Variants in RNF225 observed in about 807,000 individuals in gnomAD.
RNF225 encodes the protein ring finger protein 225.
For synonymous variants in RNF225, 295 were observed against 260.4 expected (o/e 1.13, Z -1.28); for missense variants, 510 against 509.8 (o/e 1.00, Z 0.00).
In RNF225 at chr19:58,396,491, C is replaced by T. The variant is rs781059817; in HGVS notation, c.402C>T (p.Pro134=). Residue 134 remains proline (P), a synonymous_variant, in exon 1 of 1, where the codon CCC becomes CCT. Transcript: ENST00000601382. Reference sequence around the variant, plus strand: ...TGCCCACGCAGTCCGGTCTCCTGCCCCGCGACGCGCGCGCACCGCCCTCTC... The same window carrying T: ...TGCCCACGCAGTCCGGTCTCCTGCCTCGCGACGCGCGCGCACCGCCCTCTC... ...PALPTQSGLL[P]RDARAPPSRQ... is the part of the protein sequence containing the mutation. 4 of 1,328,908 alleles carry T rather than the reference C, an allele frequency of 3.0e-6. No individual in the cohort carries two copies. In the South Asian group the frequency reaches 7.9e-5, roughly 26 times the overall value. The allele number at this position is 1,328,908 out of a possible 1,614,324, so 82.3% of individuals were successfully genotyped here.
chr19:58,396,853 G>A lies in RNF225; in HGVS notation c.764G>A (p.Gly255Glu). ...FSWFPPRPPPGSPWAPAWTPR... is the reference protein window; with the variant it reads ...FSWFPPRPPPESPWAPAWTPR... ...TGGTTTCCGCCGAGGCCCCCGCCGGGGTCGCCCTGGGCCCCCGCCTGGACG... is the reference window on the plus strand; with the variant it reads ...TGGTTTCCGCCGAGGCCCCCGCCGGAGTCGCCCTGGGCCCCCGCCTGGACG... Residue 255 changes from glycine (G) to glutamate (E), a missense_variant, in exon 1 of 1, where the codon GGG becomes GAG. Transcript: ENST00000601382. 5.9e-6 allele frequency: 9 copies of A among 1,520,400 alleles called. No individual in the cohort carries two copies. Among genetic ancestry groups the A allele is most frequent in the Non-Finnish European group, 7.9e-6 (9 of 1,141,208 alleles). 94.2% of individuals were successfully genotyped at this position (1,520,400 alleles called of 1,614,324 possible). A position where few individuals can be genotyped will look rare whatever the true frequency, so the allele number is the denominator to read the frequency against.
chr19:58,396,049 T>G lies in RNF225; in HGVS notation c.-41T>G. ...AGAACCCGCTCCAGGCTCCACCGCCTCCTTCCCTGCCTGACCTCCTCTCCT... is the reference window on the plus strand; with the variant it reads ...AGAACCCGCTCCAGGCTCCACCGCCGCCTTCCCTGCCTGACCTCCTCTCCT... On this transcript the variant is annotated 5_prime_UTR_variant, in exon 1 of 1. Transcript: ENST00000601382. 1 of 1,469,754 alleles carries G rather than the reference T, an allele frequency of 6.8e-7. No homozygotes were observed. The highest frequency in any genetic ancestry group is 2.5e-5 in the East Asian group (1 of 40,438). 91.0% of individuals were successfully genotyped at this position (1,469,754 alleles called of 1,614,324 possible). A position where few individuals can be genotyped will look rare whatever the true frequency, so the allele number is the denominator to read the frequency against.
At position 58,396,357 on chromosome 19, in the gene RNF225, G is replaced by C. The variant is rs552547482; in HGVS notation, c.268G>C (p.Glu90Gln). ...GGACTGCGGCCACGTCTTCTGTCTC[G>C]AGTGCCTGGCGCGCCTATCGTTGGC... is the stretch of plus-strand genomic sequence containing the variant. ...RLDCGHVFCL[E>Q]CLARLSLATA... is the part of the protein sequence containing the mutation. Residue 90 changes from glutamate (E) to glutamine (Q), a missense_variant, in exon 1 of 1, where the codon GAG becomes CAG. Transcript: ENST00000601382. 3.1e-4 allele frequency: 477 copies of C among 1,535,384 alleles called. No homozygotes were observed. Among genetic ancestry groups the C allele is most frequent in the Non-Finnish European group, 3.9e-4 (451 of 1,146,652 alleles).
rs761770814 is a variant in RNF225 at position 58,396,188 on chromosome 19, C to T, written c.99C>T (p.Ser33=). 1 of 1,542,210 alleles carries T rather than the reference C, an allele frequency of 6.5e-7. No individual in the cohort carries two copies. The highest frequency in any genetic ancestry group is 1.2e-5 in the South Asian group (1 of 84,522). ...PGSLSAPRSP[S]RGEDQEEEEE... ...CGCTCTCTGCGCCCCGCTCCCCAAG[C>T]AGAGGGGAAGACCAGGAGGAGGAGG... The change falls in exon 1 of 1, where the codon AGC becomes AGT. Residue 33 remains serine (S), a synonymous_variant. Coordinates refer to ENST00000601382, the MANE Select transcript of RNF225 (RefSeq NM_001195135.2).
chr19:58,396,557 C>T lies in RNF225; in HGVS notation c.468C>T (p.Leu156=). The T allele has an allele frequency of 8.9e-7, 1 of 1,125,498 alleles. No homozygotes were observed. Among genetic ancestry groups the T allele is most frequent in the Non-Finnish European group, 1.1e-6 (1 of 922,026 alleles). 69.7% of individuals were successfully genotyped at this position (1,125,498 alleles called of 1,614,324 possible). ...GCTTCGACCGGCGCCGCGGCCTTCT[C>T]TACCTGCGGCCGCCGCCGCCCCCGC... The part of the protein sequence containing the change: ...SVRFDRRRGL[L]YLRPPPPPPG... Residue 156 remains leucine (L), a synonymous_variant, in exon 1 of 1, where the codon CTC becomes CTT. Coordinates refer to ENST00000601382, the MANE Select transcript of RNF225 (RefSeq NM_001195135.2).
Position 58,396,318 on chromosome 19 carries a change from C to T in RNF225, c.229C>T (p.Leu77=), listed in dbSNP as rs2052398459. ...GTCGTCCTTCGACGGCGTGTTCAAG[C>T]TGCCCAAGCGCCTGGACTGCGGCCA... ...CVSSFDGVFK[L]PKRLDCGHVF... is the part of the protein sequence containing the mutation. The change falls in exon 1 of 1, where the codon CTG becomes TTG. Residue 77 remains leucine (L), a synonymous_variant. Transcript: ENST00000601382. 6.5e-7 allele frequency: 1 copy of T among 1,535,774 alleles called. No homozygotes were observed. The highest frequency in any genetic ancestry group is 8.7e-7 in the Non-Finnish European group (1 of 1,146,796).
rs2052394786 is a variant in RNF225, at chr19:58,395,952, T to A, written c.-138T>A. 2.4e-6 allele frequency: 2 copies of A among 842,402 alleles called. No homozygotes were observed. Among genetic ancestry groups the A allele is most frequent in the Non-Finnish European group, 3.5e-6 (2 of 578,858 alleles). 52.2% of individuals were successfully genotyped at this position (842,402 alleles called of 1,614,324 possible). On this transcript the variant is annotated 5_prime_UTR_variant, in exon 1 of 1. It removes an upstream start codon present in the reference 5' UTR. Transcript: ENST00000601382. Reference sequence around the variant, plus strand: ...GACGCTAGCTACACCCTTCTCGGGATGGGGTGCTCTGTACTGGGGGATCCT... The same window carrying A: ...GACGCTAGCTACACCCTTCTCGGGAAGGGGTGCTCTGTACTGGGGGATCCT...
At position 58,396,537 on chromosome 19, in the gene RNF225, G is replaced by C; in HGVS notation, c.448G>C (p.Asp150His). ...PPSRQGSVRF[D>H]RRRGLLYLRP... Reference sequence around the variant, plus strand: ...CTCTCGCCAGGGCTCCGTGCGCTTCGACCGGCGCCGCGGCCTTCTCTACCT... The same window carrying C: ...CTCTCGCCAGGGCTCCGTGCGCTTCCACCGGCGCCGCGGCCTTCTCTACCT... Residue 150 changes from aspartate (D) to histidine (H), a missense_variant, in exon 1 of 1, where the codon GAC (aspartate) becomes CAC (histidine). Physicochemically the swap from Asp to His is moderately conservative, Grantham distance 81. Transcript: ENST00000601382. The C allele has an allele frequency of 8.4e-7, 1 of 1,189,168 alleles. No individual in the cohort carries two copies. Among genetic ancestry groups the C allele is most frequent in the Non-Finnish European group, 1.0e-6 (1 of 961,750 alleles). The allele number at this position is 1,189,168 out of a possible 1,614,324, so 73.7% of individuals were successfully genotyped here.
At position 58,396,818 on chromosome 19, in the gene RNF225, T is replaced by G; in HGVS notation, c.729T>G (p.Pro243=). The change falls in exon 1 of 1, where the codon CCT becomes CCG. Residue 243 remains proline, a synonymous_variant. Coordinates refer to ENST00000601382, the MANE Select transcript of RNF225 (RefSeq NM_001195135.2). ...RPQLVALAPA[P]GFSWFPPRPP... ...AGCTCGTGGCGCTCGCTCCAGCGCCTGGCTTCTCTTGGTTTCCGCCGAGGC... is the reference window on the plus strand; with the variant it reads ...AGCTCGTGGCGCTCGCTCCAGCGCCGGGCTTCTCTTGGTTTCCGCCGAGGC... The G allele has an allele frequency of 2.6e-6, 4 of 1,520,678 alleles. No homozygotes were observed. In the South Asian group the frequency reaches 4.8e-5, roughly 18 times the overall value. The allele number at this position is 1,520,678 out of a possible 1,614,324, so 94.2% of individuals were successfully genotyped here. A position where few individuals can be genotyped will look rare whatever the true frequency, so the allele number is the denominator to read the frequency against.
In RNF225 at chr19:58,396,867, C is replaced by T; in HGVS notation, c.778C>T (p.Pro260Ser). ...GCCCCCGCCGGGGTCGCCCTGGGCC[C>T]CCGCCTGGACGCCGCGCCCCACGGG... ...PRPPPGSPWA[P>S]AWTPRPTGPD... Residue 260 changes from proline (P) to serine (S), a missense_variant, in exon 1 of 1, where the codon CCC becomes TCC. Physicochemically the swap from Pro to Ser is moderately conservative, Grantham distance 74. Transcript: ENST00000601382. 5 of 1,525,448 alleles carry T rather than the reference C, an allele frequency of 3.3e-6. No homozygotes were observed. The highest frequency in any genetic ancestry group is 4.4e-6 in the Non-Finnish European group (5 of 1,143,084). 94.5% of individuals were successfully genotyped at this position (1,525,448 alleles called of 1,614,324 possible). A position where few individuals can be genotyped will look rare whatever the true frequency, so the allele number is the denominator to read the frequency against.
chr19:58,396,169 C>G lies in RNF225; in HGVS notation c.80C>G (p.Ser27Cys). Residue 27 changes from serine (S) to cysteine (C), a missense_variant, in exon 1 of 1, where the codon TCT becomes TGT. Coordinates refer to ENST00000601382, the MANE Select transcript of RNF225 (RefSeq NM_001195135.2). Reference protein sequence around the residue: ...GSGPSSPGSLSAPRSPSRGED... With the variant: ...GSGPSSPGSLCAPRSPSRGED... The stretch of plus-strand genomic sequence containing the variant: ...GGTCCCAGCTCCCCAGGCTCGCTCT[C>G]TGCGCCCCGCTCCCCAAGCAGAGGG... 6.5e-7 allele frequency: 1 copy of G among 1,536,790 alleles called. No homozygotes were observed. The highest frequency in any genetic ancestry group is 8.7e-7 in the Non-Finnish European group (1 of 1,147,900).
rs1437678256 is a variant in RNF225 at position 58,395,815 on chromosome 19, T to C, written c.-275T>C. Among the ~76,000 whole-genome samples, 1 of 148,952 alleles carries C rather than the reference T, an allele frequency of 6.7e-6. No homozygotes were observed. The highest frequency in any genetic ancestry group is 6.6e-5 in the Admixed American group (1 of 15,132). On this transcript the variant is annotated 5_prime_UTR_variant, in exon 1 of 1. Coordinates refer to ENST00000601382, the MANE Select transcript of RNF225 (RefSeq NM_001195135.2). ...ATCCCTGTCTGGGGTCCTCCCCATC[T>C]CCGTGTTCAACTGCGGTCTGTCTCT...
At position 58,396,584 on chromosome 19, in the gene RNF225, C is replaced by G; in HGVS notation, c.495C>G (p.Pro165=). The change falls in exon 1 of 1, where the codon CCC becomes CCG. Residue 165 remains proline, a synonymous_variant. Coordinates refer to ENST00000601382, the MANE Select transcript of RNF225 (RefSeq NM_001195135.2). ...ACCTGCGGCCGCCGCCGCCCCCGCC[C>G]GGGCCGCGCAAGGCCCGCGCCCCGC... ...LLYLRPPPPP[P]GPRKARAPPP... is the part of the protein sequence containing the mutation. The G allele has an allele frequency of 9.4e-7, 1 of 1,069,484 alleles. No homozygotes were observed. The highest frequency in any genetic ancestry group is 1.7e-5 in the African/African-American group (1 of 57,416). 66.2% of individuals were successfully genotyped at this position (1,069,484 alleles called of 1,614,324 possible).
chr19:58,396,656 G>A lies in RNF225; in HGVS notation c.567G>A (p.Leu189=). 7.0e-7 allele frequency: 1 copy of A among 1,436,162 alleles called. No individual in the cohort carries two copies. The highest frequency in any genetic ancestry group is 9.1e-7 in the Non-Finnish European group (1 of 1,101,894). 89.0% of individuals were successfully genotyped at this position (1,436,162 alleles called of 1,614,324 possible). ...LRLGRPLSRR[L]SLASPAWVFN... is the part of the protein sequence containing the mutation. ...TGGGCCGCCCGCTGTCGCGCCGCTT[G>A]TCGCTGGCCAGCCCGGCCTGGGTCT... Residue 189 remains leucine, a synonymous_variant, in exon 1 of 1, where the codon TTG becomes TTA. Transcript: ENST00000601382.
At position 58,395,958 on chromosome 19, in the gene RNF225, G is replaced by T. The variant is rs1382004267; in HGVS notation, c.-132G>T. On this transcript the variant is annotated 5_prime_UTR_variant, in exon 1 of 1. Transcript: ENST00000601382. ...AGCTACACCCTTCTCGGGATGGGGT[G>T]CTCTGTACTGGGGGATCCTCTCTAA... 3.3e-6 allele frequency: 3 copies of T among 898,794 alleles called. No individual in the cohort carries two copies. The highest frequency in any genetic ancestry group is 2.9e-5 in the East Asian group (1 of 34,240). The allele number at this position is 898,794 out of a possible 1,614,324, so 55.7% of individuals were successfully genotyped here.
Position 58,395,747 on chromosome 19 carries a change from G to C in RNF225, c.-343G>C, listed in dbSNP as rs1014284368. On this transcript the variant is annotated 5_prime_UTR_variant, in exon 1 of 1. Transcript: ENST00000601382. ...TGGCTGCGGTCTGTCATTACTCTGT[G>C]GGGGGTGCCTATCTCTGCTCCTCTG... Among the ~76,000 whole-genome samples the C allele has an allele frequency of 2.0e-5, 3 of 152,080 alleles. No individual in the cohort carries two copies. Among genetic ancestry groups the C allele is most frequent in the Admixed American group, 6.5e-5 (1 of 15,272 alleles).
rs1415756332 is a variant in RNF225 at position 58,396,581 on chromosome 19, G to A, written c.492G>A (p.Pro164=). Residue 164 remains proline (P), a synonymous_variant, in exon 1 of 1, where the codon CCG becomes CCA. Transcript: ENST00000601382. ...GLLYLRPPPP[P]PGPRKARAPP... The stretch of plus-strand genomic sequence containing the variant: ...TCTACCTGCGGCCGCCGCCGCCCCC[G>A]CCCGGGCCGCGCAAGGCCCGCGCCC... The A allele has an allele frequency of 9.4e-7, 1 of 1,058,972 alleles. No homozygotes were observed. The highest frequency in any genetic ancestry group is 1.1e-6 in the Non-Finnish European group (1 of 881,248). The allele number at this position is 1,058,972 out of a possible 1,614,324, so 65.6% of individuals were successfully genotyped here. A position where few individuals can be genotyped will look rare whatever the true frequency, so the allele number is the denominator to read the frequency against.
rs751365860 is a variant in RNF225 at position 58,396,787 on chromosome 19, G to A, written c.698G>A (p.Arg233Gln). ...CACGCCACCTCCTCCGGCCCCCCGCGGCCCCAGCTCGTGGCGCTCGCTCCA... is the reference window on the plus strand; with the variant it reads ...CACGCCACCTCCTCCGGCCCCCCGCAGCCCCAGCTCGTGGCGCTCGCTCCA... ...IPHATSSGPP[R>Q]PQLVALAPAP... Residue 233 changes from arginine (R) to glutamine (Q), a missense_variant, in exon 1 of 1, where the codon CGG becomes CAG. Arg to Gln is a conservative substitution (Grantham distance 43). Coordinates refer to ENST00000601382, the MANE Select transcript of RNF225 (RefSeq NM_001195135.2). 2.6e-6 allele frequency: 4 copies of A among 1,514,786 alleles called. No individual in the cohort carries two copies. In the South Asian group the frequency reaches 4.9e-5, roughly 18 times the overall value. The allele number at this position is 1,514,786 out of a possible 1,614,324, so 93.8% of individuals were successfully genotyped here. A position where few individuals can be genotyped will look rare whatever the true frequency, so the allele number is the denominator to read the frequency against.
At position 58,395,894 on chromosome 19, in the gene RNF225, C is replaced by T. The variant is rs558754016; in HGVS notation, c.-196C>T. Reference sequence around the variant, plus strand: ...GTGGGTCCATTCCTATCCCCAGTCTCCGCCTCGGGCCTCCCCATCTCCCCT... The same window carrying T: ...GTGGGTCCATTCCTATCCCCAGTCTTCGCCTCGGGCCTCCCCATCTCCCCT... On this transcript the variant is annotated 5_prime_UTR_variant, in exon 1 of 1. Transcript: ENST00000601382. 2.9e-4 allele frequency among the ~76,000 whole-genome samples: 44 copies of T among 152,274 alleles called. No individual in the cohort carries two copies. Among genetic ancestry groups the T allele is most frequent in the African/African-American group, 1.1e-3 (44 of 41,558 alleles).
Sources: gnomAD v4.1 joint callset for allele counts (sites outside exome capture counted in the v4.1 genomes callset) on GRCh38, gnomAD v4.1.1 for gene constraint, MANE v1.5 for transcripts, NCBI Gene and HGNC (gene_info 2026-07-23, HGNC 2026-07-21) for gene names.